The following SLC4A4 variants were observed in gnomAD, a reference collection of about 807,000 sequenced individuals.
The protein encoded by SLC4A4 is solute carrier family 4 member 4.
Under a neutral mutation model 111.5 loss-of-function variants are expected in SLC4A4, and 27 were observed. The ratio of observed to expected loss-of-function variants is 0.24; its 90% confidence interval spans 0.18 to 0.33. SLC4A4 has a LOEUF of 0.33. Ranked by LOEUF, SLC4A4 falls within the 10% of genes least tolerant of loss-of-function variation. The probability of loss-of-function intolerance (pLI) is 1.00; values close to 1 mark genes in which losing one functional copy is unlikely to be tolerated. For missense variants in SLC4A4, 909 were observed against 1,315.5 expected (o/e 0.69, Z 4.78); for synonymous variants, 443 against 463.4 (o/e 0.96, Z 0.57).
At position 71,537,578 on chromosome 4, in the gene SLC4A4, A is replaced by G. The variant is rs78946161; in HGVS notation, c.2442+3190A>G. On this transcript the variant is annotated intron_variant, in intron 18 of 25. Coordinates refer to ENST00000264485, the MANE Select transcript of SLC4A4 (RefSeq NM_001098484.3). The stretch of plus-strand genomic sequence containing the variant: ...AATGTGAATTCCAGCTCTAAACCCA[A>G]TTGTAGAGTTGTGGTTAGGAATATC... Among the ~76,000 whole-genome samples the G allele has an allele frequency of 4.6e-5, 7 of 151,880 alleles. No individual in the cohort carries two copies. In the East Asian group the frequency reaches 9.7e-4, roughly 21 times the overall value.
intron 1 of SLC4A4, among the ~76,000 whole-genome samples, chr4:71,220,440 C>T (rs1239805791): frequency 6.6e-6 from 1 of 152,068 alleles, no homozygotes; most frequent in Non-Finnish European, 1.5e-5. Context: ...TGGAACCGAA[C>T]CTGCAACATC....
chr4:71,120,975 A>C (rs1319528813), intron 2 of SLC4A4, among the ~76,000 whole-genome samples: 1 of 152,204 alleles, frequency 6.6e-6, no homozygotes, highest in African/African-American at 2.4e-5. Flanking sequence ...CTCGCGGGCC[A>C]GCACGAGTTC....
chr4:71,371,444 A>T (rs931912712), intron 6 of SLC4A4, among the ~76,000 whole-genome samples: 2 of 151,928 alleles, frequency 1.3e-5, no homozygotes, highest in East Asian at 3.9e-4. Context: ...GGTTTTCGCC[A>T]TGTTGGCCAG....
intron 6 of SLC4A4, among the ~76,000 whole-genome samples, chr4:71,368,785 A>G (rs1455954053): frequency 6.6e-6 from 1 of 152,184 alleles, no homozygotes; most frequent in African/African-American, 2.4e-5. Context: ...TGGATCATCC[A>G]TTGGTATTTG....
chr4:71,246,322 G>A (rs1483712729), intron 2 of SLC4A4, among the ~76,000 whole-genome samples: 2 of 152,200 alleles, frequency 1.3e-5, no homozygotes, highest in African/African-American at 4.8e-5. Context: ...AAGGATCCAC[G>A]TGTTCTGACT....
intron 16 of SLC4A4, among the ~76,000 whole-genome samples, chr4:71,509,843 C>T (rs1731750415): frequency 6.6e-6 from 1 of 152,150 alleles, no homozygotes; most frequent in African/African-American, 2.4e-5. Context: ...TGGTTCTATG[C>T]TTTGTACACC....
chr4:71,296,468 T>A (rs1030941163), intron 3 of SLC4A4, among the ~76,000 whole-genome samples: 1 of 152,188 alleles, frequency 6.6e-6, no homozygotes, highest in African/African-American at 2.4e-5. Context: ...AAAAGAAACG[T>A]GGAAAAATAG....
At chr4:71,551,674 T>C (rs148712793) in intron 20 of SLC4A4, among the ~76,000 whole-genome samples, 1 of 152,012 alleles carries the variant, frequency 6.6e-6, no homozygotes, top group African/African-American at 2.4e-5. Context: ...AAACAAAACA[T>C]AGTACTTGCT....
intron 16 of SLC4A4, among the ~76,000 whole-genome samples, chr4:71,513,167 T>C (rs906582268): frequency 6.6e-6 from 1 of 152,126 alleles, no homozygotes; most frequent in Non-Finnish European, 1.5e-5. Context: ...TTTTTTCTAA[T>C]TCTGTGAAGG....
At chr4:71,068,624 C>T (rs115733857) in intron 1 of SLC4A4, among the ~76,000 whole-genome samples, 2,523 of 151,574 alleles carry the variant, frequency 0.017, 64 homozygotes, top group African/African-American at 0.057. Context: ...GCGGGATCAC[C>T]GCTCACTGCA....
intron 3 of SLC4A4, among the ~76,000 whole-genome samples, chr4:71,305,070 A>G (rs1725577233): frequency 2.0e-5 from 3 of 152,216 alleles, no homozygotes; most frequent in South Asian, 4.1e-4. Context: ...CTGACACCTT[A>G]CATTCATGAG....
chr4:71,499,904 C>T lies in SLC4A4; in HGVS notation c.2166+2212C>T, dbSNP rs138675585. Among the ~76,000 whole-genome samples the T allele has an allele frequency of 7.0e-4, 107 of 152,266 alleles. No homozygotes were observed. The East Asian group carries it at 0.011, about 15-fold the overall frequency. On this transcript the variant is annotated intron_variant, in intron 16 of 25. Transcript: ENST00000264485. ...AAAGAACATGAGAGTGTTGACATCT[C>T]TTTGAGATCATGATTTCATTTCTTT...
chr4:71,300,803 G>T, intron 3 of SLC4A4: 1 of 387,624 alleles, frequency 2.6e-6, no homozygotes, highest in Admixed American at 2.8e-5. Context: ...TGCAGCAGCA[G>T]TGCAAACCCC....
intron 18 of SLC4A4, among the ~76,000 whole-genome samples, chr4:71,537,149 T>G (rs1052920198): frequency 5.9e-5 from 9 of 151,958 alleles, no homozygotes; most frequent in Admixed American, 2.0e-4. Flanking sequence ...CCTGAATATT[T>G]TTCCTGCTAT....
At chr4:71,301,952 ATAAGT>A (rs1725300583) in intron 3 of SLC4A4, among the ~76,000 whole-genome samples, 4 of 152,232 alleles carry the variant, frequency 2.6e-5, no homozygotes, top group African/African-American at 9.6e-5. Context: ...AGCACTTTCT[ATAAGT>A]CAAAAGTAAG....
intron 2 of SLC4A4, 40 bp downstream of exon 2, chr4:71,236,689 A>AT: frequency 6.9e-7 from 1 of 1,456,214 alleles, no homozygotes. Flanking sequence ...GTTGACATAC[A>AT]TATGTCTCTA....
rs540742998 is a variant in SLC4A4, at chr4:71,138,284, AT to A, written c.-2+45500del. On this transcript the variant is annotated intron_variant, in intron 2 of 26. Coordinates refer to the SLC4A4 transcript ENST00000649996. ...CATTCCTTGCTTGCCTCACTAATCA[AT>A]TTTTTTTAATATTAGTTTTCAGGCC... Among the ~76,000 whole-genome samples the A allele has an allele frequency of 8.5e-5, 13 of 152,112 alleles. No homozygotes were observed. The South Asian group carries it at 1.5e-3, about 17-fold the overall frequency.
At chr4:71,163,260 G>T (rs1229688633) in intron 2 of SLC4A4, among the ~76,000 whole-genome samples, 1 of 152,166 alleles carries the variant, frequency 6.6e-6, no homozygotes, top group Non-Finnish European at 1.5e-5. Context: ...AGTGAAATGG[G>T]AGTGTGCACT....
chr4:71,112,018 G>A (rs916311666), intron 2 of SLC4A4, among the ~76,000 whole-genome samples: 6 of 152,140 alleles, frequency 3.9e-5, no homozygotes, highest in African/African-American at 1.2e-4. Flanking sequence ...AATATTCACA[G>A]ACTGCTGGCA....
Sources: gnomAD v4.1 joint callset for allele counts (sites outside exome capture counted in the v4.1 genomes callset) on GRCh38, gnomAD v4.1.1 for gene constraint, MANE v1.5 for transcripts, NCBI Gene and HGNC (gene_info 2026-07-23, HGNC 2026-07-21) for gene names.